Variants in THSD7A observed in about 807,000 individuals in gnomAD.
The protein encoded by THSD7A is thrombospondin type-1 domain-containing protein 7A.
A neutral mutation model predicts 231.3 loss-of-function variants in THSD7A; 96 were observed. The observed-to-expected ratio is 0.41, with a 90% confidence interval of 0.35 to 0.49. The LOEUF is 0.49. Among genes scored for constraint, THSD7A ranks in the 20% least tolerant of loss-of-function variants. THSD7A has a pLI of 0.05. For synonymous variants in THSD7A, 940 were observed against 743.3 expected (o/e 1.26, Z -4.30); for missense variants, 2,290 against 2,070.2 (o/e 1.11, Z -2.06).
intron 1 of THSD7A, among the ~76,000 whole-genome samples, chr7:11,657,704 A>C (rs1315483664): frequency 6.6e-6 from 1 of 151,852 alleles, no homozygotes; most frequent in Non-Finnish European, 1.5e-5. Flanking sequence ...AACCATTCAC[A>C]GATAAGAACT....
At chr7:11,505,897 G>A (rs1157996011) in intron 6 of THSD7A, among the ~76,000 whole-genome samples, 1 of 152,178 alleles carries the variant, frequency 6.6e-6, no homozygotes, top group African/African-American at 2.4e-5. Context: ...GACTTGACAT[G>A]AGAAGAATCT....
intron 1 of THSD7A, among the ~76,000 whole-genome samples, chr7:11,771,389 T>C (rs556149617): frequency 7.9e-5 from 12 of 151,946 alleles, no homozygotes; most frequent in Non-Finnish European, 1.6e-4. Context: ...GAGAAAAGTT[T>C]GACATGTGAA....
intron 11 of THSD7A, among the ~76,000 whole-genome samples, chr7:11,458,380 A>T (rs991361528): frequency 2.0e-5 from 3 of 152,142 alleles, no homozygotes; most frequent in Admixed American, 2.0e-4. Flanking sequence ...TTCTATAGAA[A>T]TATAAGCTGT....
rs1203341266 is a variant in THSD7A at position 11,374,615 on chromosome 7, G to T, written c.*1179C>A. 2 of 47,946 alleles carry T rather than the reference G, an allele frequency of 4.2e-5. No homozygotes were observed. Among genetic ancestry groups the T allele is most frequent in the Non-Finnish European group, 8.8e-5 (2 of 22,700 alleles). The allele number at this position is 47,946 out of a possible 1,614,324, so 3.0% of individuals were successfully genotyped here. A position where few individuals can be genotyped will look rare whatever the true frequency, so the allele number is the denominator to read the frequency against. ...CTGCTCAAAATTAAAAAGACATCCAGTTCCTTTTTCTTTTTTTTTCTTAAC... is the reference window on the plus strand; with the variant it reads ...CTGCTCAAAATTAAAAAGACATCCATTTCCTTTTTCTTTTTTTTTCTTAAC... On this transcript the variant is annotated 3_prime_UTR_variant, in exon 28 of 28. Coordinates refer to ENST00000423059, the MANE Select transcript of THSD7A (RefSeq NM_015204.3).
At chr7:11,751,981 T>C (rs770656668) in intron 1 of THSD7A, among the ~76,000 whole-genome samples, 42 of 152,122 alleles carry the variant, frequency 2.8e-4, no homozygotes, top group Non-Finnish European at 5.9e-5. Context: ...AATGAAGTAC[T>C]CAAACAATTT....
chr7:11,543,116 G>A lies in THSD7A; in HGVS notation c.1455C>T (p.Ala485=), dbSNP rs1446155495. Residue 485 remains alanine, a splice_region_variant and synonymous_variant, in exon 5 of 28, where the codon GCC becomes GCT. Transcript: ENST00000423059. The part of the protein sequence containing the change: ...SQLSTHKNKE[A]SKPMDLKLCT... ...ATAATTTTAAGTCCATTGGCTTTGA[G>A]GCTAGAGAAAAATACAGACACATAT... 4 of 1,608,218 alleles carry A rather than the reference G, an allele frequency of 2.5e-6. No homozygotes were observed. The highest frequency in any genetic ancestry group is 1.1e-5 in the South Asian group (1 of 89,664).
intron 1 of THSD7A, among the ~76,000 whole-genome samples, chr7:11,781,775 G>A (rs561743345): frequency 7.2e-5 from 11 of 152,302 alleles, no homozygotes; most frequent in African/African-American, 2.6e-4. Flanking sequence ...TTGAAAAATA[G>A]TTGTTAAAGA....
chr7:11,686,022 T>C (rs1320403079), intron 1 of THSD7A, among the ~76,000 whole-genome samples: 1 of 151,932 alleles, frequency 6.6e-6, no homozygotes, highest in Non-Finnish European at 1.5e-5. Flanking sequence ...CACCATGGAA[T>C]ACTATACAAC....
chr7:11,790,148 C>T (rs572845604), intron 1 of THSD7A, among the ~76,000 whole-genome samples: 4 of 151,828 alleles, frequency 2.6e-5, no homozygotes, highest in Non-Finnish European at 4.4e-5. Context: ...TAAAAGCACA[C>T]ATTATTGAAG....
intron 6 of THSD7A, among the ~76,000 whole-genome samples, chr7:11,498,142 G>C (rs1295855301): frequency 6.6e-6 from 1 of 152,158 alleles, no homozygotes; most frequent in Non-Finnish European, 1.5e-5. Context: ...CCCTAGATAA[G>C]AGGCTGAAGC....
At chr7:11,674,884 A>G (rs1255184790) in intron 1 of THSD7A, among the ~76,000 whole-genome samples, 3 of 152,136 alleles carry the variant, frequency 2.0e-5, no homozygotes, top group African/African-American at 7.2e-5. Context: ...GAGATCCAAG[A>G]GAAAGTTGAA....
chr7:11,545,100 G>A (rs1441675522), intron 4 of THSD7A, among the ~76,000 whole-genome samples: 1 of 152,076 alleles, frequency 6.6e-6, no homozygotes, highest in East Asian at 1.9e-4. Flanking sequence ...TTCTTTTAAA[G>A]ACATGTATAG....
At chr7:11,776,124 C>G (rs1783398553) in intron 1 of THSD7A, among the ~76,000 whole-genome samples, 1 of 152,276 alleles carries the variant, frequency 6.6e-6, no homozygotes, top group Admixed American at 6.5e-5. Flanking sequence ...GGGAGATGCA[C>G]TTTCAATGAA....
rs140856325 is a variant in THSD7A at position 11,387,679 on chromosome 7, T to C, written c.4412-5063A>G. Among the ~76,000 whole-genome samples, 489 of 152,316 alleles carry C rather than the reference T, an allele frequency of 3.2e-3. 3 individuals are homozygous for C. The highest frequency in any genetic ancestry group is 0.011 in the African/African-American group (462 of 41,566). ...ACAGAGACAACTTGACTTCCTCTTT[T>C]ACTATTTGAATACCCTTTATTTCTT... On this transcript the variant is annotated intron_variant, in intron 23 of 27. Transcript: ENST00000423059.
chr7:11,615,546 C>T (rs957357365), intron 2 of THSD7A, among the ~76,000 whole-genome samples: 4 of 152,146 alleles, frequency 2.6e-5, no homozygotes, highest in Non-Finnish European at 5.9e-5. Context: ...AACCAATATA[C>T]TAGTTTTCTA....
At chr7:11,417,371 T>A in intron 17 of THSD7A, 79 bp downstream of exon 17, 1 of 1,332,660 alleles carries the variant, frequency 7.5e-7, no homozygotes, top group Non-Finnish European at 1.0e-6. Flanking sequence ...GTTATTATAT[T>A]CAAAAAATAA....
At chr7:11,460,525 T>G in intron 11 of THSD7A, 137 bp downstream of exon 11, 1 of 554,206 alleles carries the variant, frequency 1.8e-6, no homozygotes, top group Non-Finnish European at 3.1e-6. Flanking sequence ...TGTCCTGATG[T>G]TTTGTGGAAT....
chr7:11,491,359 A>G (rs1020424533), intron 6 of THSD7A, among the ~76,000 whole-genome samples: 21 of 152,082 alleles, frequency 1.4e-4, no homozygotes, highest in African/African-American at 4.8e-4. Flanking sequence ...TATTTAGCTC[A>G]CAGTGATCAG....
chr7:11,660,940 A>G (rs1318520960), intron 1 of THSD7A, among the ~76,000 whole-genome samples: 1 of 151,462 alleles, frequency 6.6e-6, no homozygotes, highest in Non-Finnish European at 1.5e-5. Context: ...AAGAGCCAAG[A>G]TCTCGGACAA....
Sources: gnomAD v4.1 joint callset for allele counts (sites outside exome capture counted in the v4.1 genomes callset) on GRCh38, gnomAD v4.1.1 for gene constraint, MANE v1.5 for transcripts, NCBI Gene and HGNC (gene_info 2026-07-23, HGNC 2026-07-21) for gene names.